THSD7A: variants seen among roughly 807,000 people sequenced by gnomAD.
The protein encoded by THSD7A is thrombospondin type 1 domain containing 7A, also known as thrombospondin type-1 domain-containing protein 7A.
Under a neutral mutation model 231.3 loss-of-function variants are expected in THSD7A, and 96 were observed. That is an observed-to-expected ratio of 0.41 (90% CI 0.35 to 0.49). THSD7A has a LOEUF of 0.49. Ranked by LOEUF, THSD7A falls within the 20% of genes least tolerant of loss-of-function variation. The pLI, the probability that THSD7A is intolerant of heterozygous loss-of-function variation, is 0.05. For synonymous variants in THSD7A, 940 were observed against 743.3 expected (o/e 1.26, Z -4.30); for missense variants, 2,290 against 2,070.2 (o/e 1.11, Z -2.06).
intron 14 of THSD7A, among the ~76,000 whole-genome samples, chr7:11,427,698 C>A (rs972385222): frequency 6.6e-6 from 1 of 152,068 alleles, no homozygotes; most frequent in African/African-American, 2.4e-5. Flanking sequence ...TTCAAGGTTT[C>A]AAAATTTGTA....
chr7:11,452,535 A>G (rs949178353), intron 11 of THSD7A, among the ~76,000 whole-genome samples: 1 of 152,004 alleles, frequency 6.6e-6, no homozygotes, highest in Admixed American at 6.6e-5. Context: ...TGCTTATAAT[A>G]TATGTGAGAA....
chr7:11,748,567 T>A (rs7777300), intron 1 of THSD7A, among the ~76,000 whole-genome samples: 99,953 of 151,760 alleles, frequency 0.66, 33,670 homozygotes, highest in African/African-American at 0.81. Flanking sequence ...TCCCCTAAAA[T>A]ACCCTCAGAA....
At chr7:11,694,775 C>T (rs1399863703) in intron 1 of THSD7A, among the ~76,000 whole-genome samples, 2 of 151,468 alleles carry the variant, frequency 1.3e-5, no homozygotes, top group Non-Finnish European at 3.0e-5. Flanking sequence ...ACATTTTTAA[C>T]CTAAATGTAA....
At chr7:11,749,819 C>T (rs775155887) in intron 1 of THSD7A, among the ~76,000 whole-genome samples, 23 of 152,086 alleles carry the variant, frequency 1.5e-4, no homozygotes, top group Non-Finnish European at 2.6e-4. Context: ...AGCCATTCAA[C>T]GGCGCTTCAA....
Position 11,482,132 on chromosome 7 carries a change from C to T in THSD7A, c.1823-150G>A, listed in dbSNP as rs1213211239. The T allele has an allele frequency of 1.2e-5, 9 of 763,110 alleles. No individual in the cohort carries two copies. The East Asian group carries it at 2.2e-4, about 18-fold the overall frequency. The allele number at this position is 763,110 out of a possible 1,614,324, so 47.3% of individuals were successfully genotyped here. ...CCAAAAGAGGGATTGCCTACTATAG[C>T]CAGATGTTAATAGAACACCAGGAAC... On this transcript the variant is annotated intron_variant, in intron 6 of 27. Coordinates refer to ENST00000423059, the MANE Select transcript of THSD7A (RefSeq NM_015204.3).
chr7:11,407,639 T>G (rs141248089), intron 19 of THSD7A, among the ~76,000 whole-genome samples: 1 of 152,206 alleles, frequency 6.6e-6, no homozygotes, highest in Admixed American at 6.5e-5. Context: ...AAGGGGCCCA[T>G]TGAATCTATA....
At position 11,412,735 on chromosome 7, in the gene THSD7A, T is replaced by C; in HGVS notation, c.3603A>G (p.Gly1201=). The part of the protein sequence containing the change: ...ADPIRQPADE[G]RSCPNAVEKE... ...TCTCAACAGCATTAGGGCAAGATCTTCCTTCATCAGCTGGTTGTCTGATGG... is the reference window on the plus strand; with the variant it reads ...TCTCAACAGCATTAGGGCAAGATCTCCCTTCATCAGCTGGTTGTCTGATGG... Residue 1201 remains glycine (G), a synonymous_variant, in exon 18 of 28, where the codon GGA becomes GGG. Transcript: ENST00000423059. The C allele has an allele frequency of 3.1e-6, 5 of 1,613,754 alleles. No individual in the cohort carries two copies. The highest frequency in any genetic ancestry group is 4.2e-6 in the Non-Finnish European group (5 of 1,179,788).
intron 1 of THSD7A, among the ~76,000 whole-genome samples, chr7:11,753,843 G>C (rs924595638): frequency 2.0e-5 from 3 of 151,658 alleles, no homozygotes; most frequent in African/African-American, 7.3e-5. Flanking sequence ...TTAAGAAAAA[G>C]AATTATCGTC....
chr7:11,492,215 C>G (rs971287619), intron 6 of THSD7A, among the ~76,000 whole-genome samples: 7 of 152,044 alleles, frequency 4.6e-5, no homozygotes, highest in African/African-American at 1.7e-4. Flanking sequence ...GAGGATGACT[C>G]TGTGCCTTTA....
chr7:11,827,203 C>T (rs1785058470), intron 1 of THSD7A, among the ~76,000 whole-genome samples: 1 of 152,040 alleles, frequency 6.6e-6, no homozygotes, highest in Non-Finnish European at 1.5e-5. Flanking sequence ...TTTTTAATAT[C>T]TGAAATTCTG....
chr7:11,550,919 G>T (rs1393530316), intron 4 of THSD7A, among the ~76,000 whole-genome samples: 1 of 151,996 alleles, frequency 6.6e-6, no homozygotes, highest in Non-Finnish European at 1.5e-5. Flanking sequence ...AACAAAGCCA[G>T]AGGCATCACA....
chr7:11,481,057 C>G (rs1786403219), intron 7 of THSD7A, among the ~76,000 whole-genome samples: 1 of 152,020 alleles, frequency 6.6e-6, no homozygotes, highest in Non-Finnish European at 1.5e-5. Flanking sequence ...TTCAGAAAGA[C>G]AAGATTAAGT....
intron 1 of THSD7A, among the ~76,000 whole-genome samples, chr7:11,721,941 C>A (rs546224456): frequency 5.9e-5 from 9 of 151,920 alleles, no homozygotes; most frequent in African/African-American, 1.9e-4. Flanking sequence ...ATTTTATGCA[C>A]CCCTTCCCAA....
chr7:11,639,145 G>C (rs1781980854), intron 1 of THSD7A, among the ~76,000 whole-genome samples: 1 of 151,998 alleles, frequency 6.6e-6, no homozygotes, highest in East Asian at 1.9e-4. Context: ...AAATATAAGT[G>C]TCTTATACTA....
At position 11,446,232 on chromosome 7, in the gene THSD7A, G is replaced by A. The variant is rs1784966072; in HGVS notation, c.2893C>T (p.Pro965Ser). The A allele has an allele frequency of 1.2e-6, 2 of 1,613,444 alleles. No homozygotes were observed. Among genetic ancestry groups the A allele is most frequent in the South Asian group, 2.2e-5 (2 of 91,074 alleles). Reference sequence around the variant, plus strand: ...ATACAGTCTGACCAGTTCCCCACAGGTTGTGCATTATATTTGTCACAAGGA... The same window carrying A: ...ATACAGTCTGACCAGTTCCCCACAGATTGTGCATTATATTTGTCACAAGGA... ...YCPCDKYNAQ[P>S]VGNWSDCILP... Residue 965 changes from proline to serine, a missense_variant, in exon 13 of 28, where the codon CCT becomes TCT. Transcript: ENST00000423059. The surrounding 1 kb of genome is among the most constrained non-coding windows in gnomAD (Gnocchi z 4.0).
At chr7:11,678,580 T>G (rs1027071357) in intron 1 of THSD7A, among the ~76,000 whole-genome samples, 1 of 152,030 alleles carries the variant, frequency 6.6e-6, no homozygotes, top group Non-Finnish European at 1.5e-5. Context: ...TCTATGCAAA[T>G]GAATTAGAAA....
chr7:11,598,455 CA>C (rs1780443217), intron 2 of THSD7A, among the ~76,000 whole-genome samples: 1 of 152,156 alleles, frequency 6.6e-6, no homozygotes, highest in Non-Finnish European at 1.5e-5. Flanking sequence ...GGCCCACGAA[CA>C]AAGGGGCCAT....
chr7:11,628,942 A>C (rs1318839396), intron 2 of THSD7A, among the ~76,000 whole-genome samples: 1 of 152,188 alleles, frequency 6.6e-6, no homozygotes, highest in Non-Finnish European at 1.5e-5. Context: ...GGAGTGGTAT[A>C]GCATCTTGCA....
At chr7:11,588,336 T>C (rs781750355) in intron 4 of THSD7A, among the ~76,000 whole-genome samples, 1 of 152,176 alleles carries the variant, frequency 6.6e-6, no homozygotes, top group East Asian at 1.9e-4. Flanking sequence ...GAATAAATGC[T>C]ACATTTTTAG....
Sources: allele counts gnomAD v4.1 joint callset (sites outside exome capture counted in the v4.1 genomes callset), GRCh38; gene constraint gnomAD v4.1.1; non-coding constraint Gnocchi (gnomAD v3.1); transcripts MANE v1.5; gene names NCBI Gene and HGNC (gene_info 2026-07-23, HGNC 2026-07-21).